Variants in ZNF799 observed in about 807,000 individuals in gnomAD.
ZNF799 encodes zinc finger protein 799, also known as zinc finger protein 14.
A neutral mutation model predicts 41.0 loss-of-function variants in ZNF799; 28 were observed. The observed-to-expected ratio is 0.68, with a 90% CI of 0.51 to 0.94. The LOEUF is 0.94. ZNF799 is among the 40% of genes least tolerant of loss of function. The probability of loss-of-function intolerance (pLI) is 0.00; values close to 1 mark genes in which losing one functional copy is unlikely to be tolerated. For missense variants in ZNF799, 716 were observed against 764.3 expected (o/e 0.94, Z 0.74); for synonymous variants, 213 against 252.9 (o/e 0.84, Z 1.50).
At chr19:12,394,900 G>C in intron 1 of ZNF799, 1 of 979,858 alleles carries the variant, frequency 1.0e-6, no homozygotes, top group Non-Finnish European at 1.2e-6. Flanking sequence ...TATTAACAGA[G>C]AGATAAATAT....
the ZNF799 span, among the ~76,000 whole-genome samples, chr19:12,410,289 A>ATATATC: frequency 1.6e-5 from 2 of 121,766 alleles, no homozygotes; most frequent in Admixed American, 1.7e-4. Flanking sequence ...ATATATATAT[A>ATATATC]TATATATATC....
rs150066447 is a variant in ZNF799 at position 12,397,451 on chromosome 19, G to T, written c.3+3617C>A. Among the ~76,000 whole-genome samples the T allele has an allele frequency of 6.7e-3, 1,008 of 150,868 alleles. 2 individuals carry two copies. The highest frequency in any genetic ancestry group is 0.023 in the African/African-American group (960 of 41,008). On this transcript the variant is annotated intron_variant, in intron 1 of 3. Coordinates refer to ENST00000430385, the MANE Select transcript of ZNF799 (RefSeq NM_001080821.3). The stretch of plus-strand genomic sequence containing the variant: ...GTGGTGGCCTGCACCTGTAGTCCCA[G>T]CTACTCAGGAAAGCAAGTAGGGAGG...
upstream of ZNF799, among the ~76,000 whole-genome samples, chr19:12,405,818 T>G (rs1051211426): frequency 3.9e-5 from 6 of 152,132 alleles, no homozygotes; most frequent in Non-Finnish European, 5.9e-5. Context: ...ATGTGGCTCA[T>G]TGATGGAAAA....
At chr19:12,395,309 C>T (rs1448494725) in intron 1 of ZNF799, among the ~76,000 whole-genome samples, 3 of 151,946 alleles carry the variant, frequency 2.0e-5, no homozygotes, top group Non-Finnish European at 4.4e-5. Flanking sequence ...ATCCGGCCAA[C>T]TTTTGTATTT....
At chr19:12,396,786 A>G (rs1969900531) in intron 1 of ZNF799, among the ~76,000 whole-genome samples, 1 of 151,988 alleles carries the variant, frequency 6.6e-6, no homozygotes, top group African/African-American at 2.4e-5. Context: ...ATGATAAACC[A>G]ATTGAAATTA....
In ZNF799 at chr19:12,391,029, A is replaced by G. The variant is rs775576653; in HGVS notation, c.1369T>C (p.Phe457Leu). The change falls in exon 4 of 4, where the codon TTT (phenylalanine) becomes CTT (leucine). Residue 457 changes from phenylalanine (F) to leucine (L), a missense_variant. Phe to Leu is a conservative substitution (Grantham distance 22, BLOSUM62 0). Coordinates refer to ENST00000430385, the MANE Select transcript of ZNF799 (RefSeq NM_001080821.3). The part of the protein sequence containing the change: ...KPYKCKCGKA[F>L]IDFYSFQNHK... ...TTTTGAAAGGAATAGAAATCAATAA[A>G]GGCTTTCCCACATTTGCATTTATAG... 2 of 1,614,074 alleles carry G rather than the reference A, an allele frequency of 1.2e-6. No homozygotes were observed. The highest frequency in any genetic ancestry group is 1.7e-5 in the Admixed American group (1 of 60,008).
Position 12,390,974 on chromosome 19 carries a change from G to A in ZNF799, c.1424C>T (p.Pro475Leu), listed in dbSNP as rs1969802893. The A allele has an allele frequency of 1.9e-6, 3 of 1,614,028 alleles. No homozygotes were observed. The highest frequency in any genetic ancestry group is 3.3e-5 in the Admixed American group (2 of 60,008). ...TTTCCCACATTCCTTACACTCATATGGCTTCTCTCCAGCATGAGTTGTTTT... is the reference window on the plus strand; with the variant it reads ...TTTCCCACATTCCTTACACTCATATAGCTTCTCTCCAGCATGAGTTGTTTT... Reference protein sequence around the residue: ...NHKTTHAGEKPYECKECGKAF... With the variant: ...NHKTTHAGEKLYECKECGKAF... Residue 475 changes from proline to leucine, a missense_variant, in exon 4 of 4, where the codon CCA (proline) becomes CTA (leucine). Physicochemically the swap from Pro to Leu is moderately conservative, Grantham distance 98 (BLOSUM62 -3). Coordinates refer to ENST00000430385, the MANE Select transcript of ZNF799 (RefSeq NM_001080821.3).
chr19:12,407,932 G>A, the ZNF799 span, among the ~76,000 whole-genome samples: 1 of 152,164 alleles, frequency 6.6e-6, no homozygotes, highest in Non-Finnish European at 1.5e-5. Context: ...CAAGGTGGGA[G>A]GATTACTTGA....
intron 1 of ZNF799, chr19:12,400,321 C>T (rs1969956975): frequency 6.6e-6 from 1 of 152,302 alleles, no homozygotes; most frequent in African/African-American, 2.4e-5. Context: ...GCAGCCTCCT[C>T]ACCGGGTTCA....
chr19:12,391,862 C>T lies in ZNF799; in HGVS notation c.536G>A (p.Ser179Asn), dbSNP rs1568501557. ...GTGTCTTTGAAGGTTTCCCAAAGAA[C>T]TGAAGGACTTCCCACATTCTTTACA... ...YNCKECGKSFSSLGNLQRHMA... is the reference protein window; with the variant it reads ...YNCKECGKSFNSLGNLQRHMA... The change falls in exon 4 of 4, where the codon AGT (serine) becomes AAT (asparagine). Residue 179 changes from serine to asparagine, a missense_variant. This residue lies in a region of ZNF799 where 698 missense variants were observed against 713.6 expected (regional missense o/e 0.98). Transcript: ENST00000430385. 1.9e-6 allele frequency: 3 copies of T among 1,614,218 alleles called. No homozygotes were observed. Among genetic ancestry groups the T allele is most frequent in the Non-Finnish European group, 2.5e-6 (3 of 1,180,020 alleles).
Position 12,390,299 on chromosome 19 carries a change from C to G in ZNF799, c.*167G>C. ...GCTCACGGAGTGCTGGAACCAATACCCAGCAGGTATCAAGGGATGACTGTA... is the reference window on the plus strand; with the variant it reads ...GCTCACGGAGTGCTGGAACCAATACGCAGCAGGTATCAAGGGATGACTGTA... On this transcript the variant is annotated 3_prime_UTR_variant, in exon 4 of 4. Transcript: ENST00000430385. 1 of 1,303,800 alleles carries G rather than the reference C, an allele frequency of 7.7e-7. No homozygotes were observed. Among genetic ancestry groups the G allele is most frequent in the Admixed American group, 2.6e-5 (1 of 38,044 alleles). 80.8% of individuals were successfully genotyped at this position (1,303,800 alleles called of 1,614,324 possible). A position where few individuals can be genotyped will look rare whatever the true frequency, so the allele number is the denominator to read the frequency against.
intron 1 of ZNF799, among the ~76,000 whole-genome samples, chr19:12,395,886 T>C (rs1261114862): frequency 9.9e-5 from 15 of 152,240 alleles, no homozygotes; most frequent in Admixed American, 9.8e-4. Context: ...ATGCTTTATC[T>C]TTTTTACTAG....
chr19:12,406,382 G>T, the ZNF799 span, among the ~76,000 whole-genome samples: 1 of 151,132 alleles, frequency 6.6e-6, no homozygotes, highest in Admixed American at 6.6e-5. Flanking sequence ...TACTTGGGAG[G>T]CTGAGGCAGG....
intron 1 of ZNF799, chr19:12,394,084 A>C (rs1392496222): frequency 1.9e-5 from 3 of 154,254 alleles, no homozygotes; most frequent in Non-Finnish European, 4.3e-5. Context: ...AAAAAAAAAA[A>C]GTGAGGTTTA....
At chr19:12,412,556 A>C in the ZNF799 span, among the ~76,000 whole-genome samples, 580 of 146,804 alleles carry the variant, frequency 4.0e-3, 1 homozygote, top group Admixed American at 7.4e-3. Context: ...AAAAAAAAAA[A>C]CCCACGAAAT....
chr19:12,399,800 A>T (rs1418265453), intron 1 of ZNF799, among the ~76,000 whole-genome samples: 1 of 151,900 alleles, frequency 6.6e-6, no homozygotes, highest in African/African-American at 2.4e-5. Flanking sequence ...CCAGCTACCA[A>T]GCCCAGCTAA....
At chr19:12,404,423 CTCTTT>C (rs1414225582), upstream of ZNF799, among the ~76,000 whole-genome samples, 5 of 151,900 alleles carry the variant, frequency 3.3e-5, no homozygotes, top group South Asian at 2.1e-4. Flanking sequence ...TGGTCTCTCT[CTCTTT>C]TATTTTTATT....
intron 1 of ZNF799, among the ~76,000 whole-genome samples, chr19:12,397,564 C>CAAA (rs1163640631): frequency 3.1e-5 from 2 of 65,504 alleles, no homozygotes; most frequent in Admixed American, 1.8e-4. Flanking sequence ...GACCCTGTCT[C>CAAA]AAAAAAAAAA....
At chr19:12,409,932 A>G in the ZNF799 span, among the ~76,000 whole-genome samples, 1 of 152,130 alleles carries the variant, frequency 6.6e-6, no homozygotes, top group Non-Finnish European at 1.5e-5. Flanking sequence ...GAATCACTTG[A>G]GGTCAGGAGT....
Sources: gnomAD v4.1 joint callset for allele counts (sites outside exome capture counted in the v4.1 genomes callset) on GRCh38, gnomAD v4.1.1 for gene constraint, gnomAD v4.1.1 regional missense constraint, MANE v1.5 for transcripts, NCBI Gene and HGNC (gene_info 2026-07-23, HGNC 2026-07-21) for gene names.